Variants in EYS observed in about 807,000 individuals in gnomAD.
The protein encoded by EYS is EGF-like photoreceptor maintenance factor.
In EYS, 250 loss-of-function variants were observed where a neutral mutation model predicts 282.1. The observed-to-expected ratio is 0.89, with a 90% CI of 0.80 to 0.98. The LOEUF (loss-of-function observed/expected upper bound fraction) is 0.98, where lower values mean the gene tolerates loss of function less well. Among genes scored for constraint, EYS ranks in the 50% least tolerant of loss-of-function variants. EYS has a pLI of 0.00. For missense variants in EYS, 4,016 were observed against 3,709.0 expected (o/e 1.08, Z -2.15); for synonymous variants, 1,355 against 1,282.9 (o/e 1.06, Z -1.20).
intron 31 of EYS, among the ~76,000 whole-genome samples, chr6:64,152,967 G>A (rs768164287): frequency 3.3e-5 from 5 of 152,062 alleles, no homozygotes; most frequent in South Asian, 2.1e-4. Flanking sequence ...AACACATTAC[G>A]TAAACTAAAA....
chr6:65,331,492 G>C, intron 11 of EYS: 1 of 913,616 alleles, frequency 1.1e-6, no homozygotes, highest in African/African-American at 1.8e-5. Context: ...TAAAATACTT[G>C]TATCTGCAAC....
intron 2 of EYS, among the ~76,000 whole-genome samples, chr6:65,631,779 T>A (rs983200393): frequency 6.6e-6 from 1 of 152,192 alleles, no homozygotes; most frequent in Admixed American, 6.5e-5. Flanking sequence ...AAGTAAAATT[T>A]ACTAGTAGGT....
intron 18 of EYS, among the ~76,000 whole-genome samples, chr6:64,890,343 C>A (rs1046981273): frequency 2.6e-5 from 4 of 152,114 alleles, no homozygotes; most frequent in Non-Finnish European, 5.9e-5. Flanking sequence ...TAACCCACAC[C>A]TATTCGCACA....
At chr6:64,483,060 G>C (rs1776483850) in intron 26 of EYS, among the ~76,000 whole-genome samples, 1 of 151,580 alleles carries the variant, frequency 6.6e-6, no homozygotes, top group African/African-American at 2.4e-5. Flanking sequence ...TGTTTCCTGT[G>C]TCTAGGACAG....
intron 12 of EYS, among the ~76,000 whole-genome samples, chr6:65,145,732 T>C (rs1021431529): frequency 2.7e-4 from 41 of 152,130 alleles, no homozygotes; most frequent in African/African-American, 9.6e-4. Flanking sequence ...ATATTCATCA[T>C]TGCTTCCTCG....
intron 22 of EYS, among the ~76,000 whole-genome samples, chr6:64,668,568 G>A (rs1031404867): frequency 2.1e-4 from 15 of 70,628 alleles, no homozygotes; most frequent in Admixed American, 4.0e-4. Context: ...TTTTTTTTTC[G>A]GGACAGAGTC....
At chr6:64,347,789 C>T (rs1167544253) in intron 29 of EYS, among the ~76,000 whole-genome samples, 1 of 151,294 alleles carries the variant, frequency 6.6e-6, no homozygotes, top group African/African-American at 2.4e-5. Flanking sequence ...CTACCCCTTT[C>T]CTAATACCTG....
intron 5 of EYS, among the ~76,000 whole-genome samples, chr6:65,437,894 A>G (rs1325904420): frequency 6.6e-6 from 1 of 152,116 alleles, no homozygotes; most frequent in Non-Finnish European, 1.5e-5. Flanking sequence ...TCTAGGGTAC[A>G]TATGCACAAC....
At chr6:65,088,541 G>C (rs1774454429) in intron 12 of EYS, among the ~76,000 whole-genome samples, 1 of 152,142 alleles carries the variant, frequency 6.6e-6, no homozygotes. Context: ...AGATGATCTA[G>C]GTTATCTGGC....
chr6:63,825,931 G>A (rs1771447774), intron 36 of EYS, among the ~76,000 whole-genome samples: 3 of 152,176 alleles, frequency 2.0e-5, no homozygotes, highest in Admixed American at 2.0e-4. Flanking sequence ...CAGGAGGTTA[G>A]TTATTAAGTG....
At chr6:64,354,246 C>A (rs1771746571) in intron 29 of EYS, among the ~76,000 whole-genome samples, 1 of 151,566 alleles carries the variant, frequency 6.6e-6, no homozygotes, top group South Asian at 2.1e-4. Context: ...AATATATAAA[C>A]ACAATCTTAA....
chr6:65,056,286 G>C (rs1223877001), intron 13 of EYS, among the ~76,000 whole-genome samples: 4 of 93,048 alleles, frequency 4.3e-5, no homozygotes, highest in African/African-American at 6.0e-5. Context: ...TCATGCTTTA[G>C]TCCTAAAATA....
intron 22 of EYS, among the ~76,000 whole-genome samples, chr6:64,776,896 C>T (rs1298701766): frequency 6.6e-6 from 1 of 152,060 alleles, no homozygotes; most frequent in African/African-American, 2.4e-5. Context: ...TATTCTCATG[C>T]TGCTATAAGG....
At chr6:65,131,083 T>C (rs1177690470) in intron 12 of EYS, among the ~76,000 whole-genome samples, 1 of 151,792 alleles carries the variant, frequency 6.6e-6, no homozygotes, top group East Asian at 1.9e-4. Flanking sequence ...TTTTGGCATA[T>C]ACATACCCAG....
At chr6:65,056,453 A>G (rs1036617960) in intron 13 of EYS, among the ~76,000 whole-genome samples, 2 of 152,002 alleles carry the variant, frequency 1.3e-5, no homozygotes, top group Non-Finnish European at 2.9e-5. Flanking sequence ...CTACCCTGAT[A>G]TGCTGGCATG....
At chr6:64,096,759 G>A (rs917156330) in intron 31 of EYS, among the ~76,000 whole-genome samples, 6 of 152,308 alleles carry the variant, frequency 3.9e-5, no homozygotes, top group South Asian at 2.1e-4. Flanking sequence ...ATTCGTCAAA[G>A]TCATTCTCCA....
At chr6:65,402,660 A>AGAACCCATTCATTACCTT in intron 6 of EYS, 55 bp from the exon 7 acceptor site, 3 of 1,237,164 alleles carry the variant, frequency 2.4e-6, no homozygotes, top group Non-Finnish European at 3.5e-6. Context: ...TTCAAAGGTA[A>AGAACCCATTCATTACCTT]TGAATGGGTT....
intron 26 of EYS, among the ~76,000 whole-genome samples, chr6:64,453,519 A>G (rs1308504892): frequency 6.6e-6 from 1 of 152,238 alleles, no homozygotes; most frequent in Non-Finnish European, 1.5e-5. Flanking sequence ...ATCTACCCAA[A>G]GGATTATAAA....
intron 23 of EYS, among the ~76,000 whole-genome samples, chr6:64,625,716 T>C (rs147851598): frequency 8.5e-5 from 13 of 152,260 alleles, no homozygotes; most frequent in Admixed American, 2.0e-4. Flanking sequence ...AGAAAACAAG[T>C]TTATTCAGCT....
Sources: allele counts gnomAD v4.1 joint callset (sites outside exome capture counted in the v4.1 genomes callset), GRCh38; gene constraint gnomAD v4.1.1; transcripts MANE v1.5; gene names NCBI Gene and HGNC (gene_info 2026-07-23, HGNC 2026-07-21).